The following MACROD1 variants were observed in gnomAD, a reference collection of about 807,000 sequenced individuals.
MACROD1 encodes the protein mono-ADP ribosylhydrolase 1.
Under a neutral mutation model 41.4 loss-of-function variants are expected in MACROD1, and 31 were observed. The ratio of observed to expected loss-of-function variants is 0.75; its 90% CI spans 0.56 to 1.01. The LOEUF is 1.01. Ranked by LOEUF, MACROD1 falls within the 50% of genes least tolerant of loss-of-function variation. The pLI is 0.00. For missense variants in MACROD1, 473 were observed against 460.0 expected (o/e 1.03, Z -0.26); for synonymous variants, 252 against 203.4 (o/e 1.24, Z -2.03).
chr11:64,154,380 T>C (rs911717380), intron 1 of MACROD1, among the ~76,000 whole-genome samples: 1 of 152,108 alleles, frequency 6.6e-6, no homozygotes, highest in Non-Finnish European at 1.5e-5. Flanking sequence ...CGTGACACCC[T>C]AGAAACCAAG....
rs547460373 is a variant in MACROD1 at position 64,147,056 on chromosome 11, C to A, written c.517+4183G>T. ...CAGGAGATCAGTAGGGAAACAGAAT[C>A]TGATTTTCTTATTTTTATTTGTTTT... On this transcript the variant is annotated intron_variant, in intron 3 of 10. Transcript: ENST00000255681. 9.8e-4 allele frequency among the ~76,000 whole-genome samples: 149 copies of A among 152,206 alleles called. 1 individual carries two copies. The Middle Eastern group carries it at 0.017, about 17-fold the overall frequency.
At chr11:64,099,155 G>A (rs1365768647) in intron 3 of MACROD1, among the ~76,000 whole-genome samples, 2 of 152,224 alleles carry the variant, frequency 1.3e-5, no homozygotes, top group Non-Finnish European at 2.9e-5. Context: ...ACATGTGACT[G>A]TCATAACATG....
intron 3 of MACROD1, among the ~76,000 whole-genome samples, chr11:64,076,764 C>A (rs1939762243): frequency 6.6e-6 from 1 of 152,200 alleles, no homozygotes; most frequent in African/African-American, 2.4e-5. Context: ...TTGTTGTTGG[C>A]AGAGCTAGCT....
At chr11:64,157,193 A>C (rs1254597703) in intron 1 of MACROD1, among the ~76,000 whole-genome samples, 1 of 152,180 alleles carries the variant, frequency 6.6e-6, no homozygotes, top group East Asian at 1.9e-4. Context: ...CCTGGGTTCA[A>C]GCAATTCTCA....
At chr11:64,007,331 G>A (rs2134327680) in intron 4 of MACROD1, among the ~76,000 whole-genome samples, 1 of 152,328 alleles carries the variant, frequency 6.6e-6, no homozygotes, top group Middle Eastern at 3.4e-3. Flanking sequence ...AGCTGGCCCC[G>A]AGGAAGGAGG....
chr11:64,095,148 C>T (rs190283155), intron 3 of MACROD1, among the ~76,000 whole-genome samples: 8 of 152,312 alleles, frequency 5.3e-5, no homozygotes, highest in African/African-American at 1.9e-4. Context: ...GGGGAAGGAA[C>T]GACATTCCAC....
intron 3 of MACROD1, chr11:64,035,920 ACGCACCCCCCG>A (rs1363097786): frequency 7.0e-6 from 1 of 143,662 alleles, no homozygotes; most frequent in Non-Finnish European, 1.5e-5. Flanking sequence ...CCGCCGCTGG[ACGCACCCCCCG>A]CACTCCTCCC....
At chr11:64,129,361 G>A (rs1945232562) in intron 3 of MACROD1, among the ~76,000 whole-genome samples, 1 of 152,268 alleles carries the variant, frequency 6.6e-6, no homozygotes, top group Admixed American at 6.5e-5. Context: ...TGTTGGGAGG[G>A]TGAGGTGGGA....
At chr11:64,003,945 G>A (rs1377437434) in intron 4 of MACROD1, among the ~76,000 whole-genome samples, 1 of 152,226 alleles carries the variant, frequency 6.6e-6, no homozygotes, top group African/African-American at 2.4e-5. Context: ...CAGCGCTGAC[G>A]GCTCCCTCCA....
intron 3 of MACROD1, among the ~76,000 whole-genome samples, chr11:64,140,845 TC>T (rs1945402775): frequency 6.6e-6 from 1 of 152,190 alleles, no homozygotes; most frequent in East Asian, 1.9e-4. Flanking sequence ...TTACAAGATG[TC>T]CCATATGGCC....
chr11:64,133,482 C>T (rs1209794222), intron 3 of MACROD1, among the ~76,000 whole-genome samples: 3 of 152,188 alleles, frequency 2.0e-5, no homozygotes, highest in Non-Finnish European at 2.9e-5. Context: ...GGGCTGCGGC[C>T]GTGTGAAGTG....
chr11:64,117,092 C>G, intron 3 of MACROD1: 1 of 1,604,628 alleles, frequency 6.2e-7, no homozygotes, highest in East Asian at 2.3e-5. Flanking sequence ...TGCAGAAGCT[C>G]TACCTGCAGG....
At chr11:64,130,981 G>A (rs1372491843) in intron 3 of MACROD1, among the ~76,000 whole-genome samples, 1 of 152,258 alleles carries the variant, frequency 6.6e-6, no homozygotes, top group African/African-American at 2.4e-5. Context: ...GCACTGCATC[G>A]GAGATGGGCT....
rs1026538048 is a variant in MACROD1 at position 63,998,669 on chromosome 11, C to T, written c.*49G>A. The T allele has an allele frequency of 2.2e-5, 30 of 1,334,298 alleles. 1 individual carries two copies. Among genetic ancestry groups the T allele is most frequent in the South Asian group, 6.4e-5 (3 of 46,594 alleles). 82.7% of individuals were successfully genotyped at this position (1,334,298 alleles called of 1,614,324 possible). ...TTTGGCGACCTCTCAGAGCTGGGAG[C>T]GGGGTCCCGAAGGCGGGTCTGAGGG... On this transcript the variant is annotated 3_prime_UTR_variant, in exon 11 of 11. Transcript: ENST00000255681.
chr11:64,144,390 G>A (rs1210695836), intron 3 of MACROD1, among the ~76,000 whole-genome samples: 2 of 152,202 alleles, frequency 1.3e-5, no homozygotes, highest in East Asian at 1.9e-4. Flanking sequence ...ACCCCACGGC[G>A]TGGTGCACAG....
chr11:64,132,095 G>A (rs536779375), intron 3 of MACROD1, among the ~76,000 whole-genome samples: 73 of 152,128 alleles, frequency 4.8e-4, no homozygotes, highest in South Asian at 8.3e-4. Flanking sequence ...CTGATACTCC[G>A]TCTGAACTCA....
intron 3 of MACROD1, among the ~76,000 whole-genome samples, chr11:64,029,386 G>T (rs962143762): frequency 6.6e-6 from 1 of 152,112 alleles, no homozygotes; most frequent in African/African-American, 2.4e-5. Context: ...CCCAGTAGAG[G>T]TCTCTGAGAC....
At chr11:64,107,504 A>G (rs1266849894) in intron 3 of MACROD1, among the ~76,000 whole-genome samples, 2 of 152,100 alleles carry the variant, frequency 1.3e-5, no homozygotes, top group Admixed American at 6.6e-5. Context: ...CAGCCGGCCT[A>G]TGTGGTTAGG....
At chr11:64,001,193 C>T in intron 4 of MACROD1, 1 of 563,006 alleles carries the variant, frequency 1.8e-6, no homozygotes. Flanking sequence ...AGGAGAGGCG[C>T]GGCCTCAGGC....
Sources: allele counts gnomAD v4.1 joint callset (sites outside exome capture counted in the v4.1 genomes callset), GRCh38; gene constraint gnomAD v4.1.1; transcripts MANE v1.5; gene names NCBI Gene and HGNC (gene_info 2026-07-23, HGNC 2026-07-21).